Variants in OR52A5 observed in about 807,000 individuals in gnomAD.
OR52A5 encodes the protein olfactory receptor family 52 subfamily A member 5.
A neutral mutation model predicts 18.2 loss-of-function variants in OR52A5; 16 were observed. That is an observed-to-expected ratio of 0.88 (90% CI 0.60 to 1.34). The LOEUF is 1.34. Ranked by LOEUF, OR52A5 falls within the 40% of genes most tolerant of loss-of-function variation. OR52A5 has a pLI of 0.00. For missense variants in OR52A5, 418 were observed against 383.0 expected (o/e 1.09, Z -0.76); for synonymous variants, 140 against 137.2 (o/e 1.02, Z -0.14).
In OR52A5 at chr11:5,132,249, AG is replaced by A; in HGVS notation, c.393del (p.Leu132Ter). 6.2e-7 allele frequency: 1 copy of A among 1,614,124 alleles called. No homozygotes were observed. The highest frequency in any genetic ancestry group is 1.3e-5 in the African/African-American group (1 of 75,066). ...ALDRYVAICI[P>X]LRHATIFSQQ... ...TGGGAAAAGATGGTGGCATGTCTCA[AG>A]GGGATACAGATGGCCACATAGCGAT... On this transcript the variant is annotated frameshift_variant, in exon 2 of 2. Transcript: ENST00000307388. LOFTEE classifies it high-confidence loss of function.
chr11:5,135,941 T>C (rs1846389180), intron 1 of OR52A5, among the ~76,000 whole-genome samples: 1 of 152,186 alleles, frequency 6.6e-6, no homozygotes, highest in Admixed American at 6.5e-5. Context: ...TATCTTCAAA[T>C]ATCTTACAGA....
chr11:5,135,017 G>A (rs1276283735), intron 1 of OR52A5, among the ~76,000 whole-genome samples: 1 of 152,006 alleles, frequency 6.6e-6, no homozygotes, highest in Non-Finnish European at 1.5e-5. Flanking sequence ...TGGGACTACA[G>A]GCACCCGTCA....
In OR52A5 at chr11:5,132,036, G is replaced by T. The variant is rs140120221; in HGVS notation, c.607C>A (p.Leu203Ile). 6.3e-5 allele frequency: 102 copies of T among 1,614,044 alleles called. No individual in the cohort carries two copies. Among genetic ancestry groups the T allele is most frequent in the Non-Finnish European group, 8.3e-5 (98 of 1,180,014 alleles). ...EDIRVNKIYG[L>I]FVAFAILGFD... The stretch of plus-strand genomic sequence containing the variant: ...CCTAGGATTGCAAAGGCAACAAATA[G>T]GCCATATATCTTGTTGACTCGGATA... The change falls in exon 2 of 2, where the codon CTA becomes ATA. Residue 203 changes from leucine to isoleucine, a missense_variant. Leu to Ile is a conservative substitution (Grantham distance 5). Coordinates refer to ENST00000307388, the MANE Select transcript of OR52A5 (RefSeq NM_001005160.3).
At chr11:5,135,988 T>A (rs1444975690) in intron 1 of OR52A5, among the ~76,000 whole-genome samples, 1 of 152,160 alleles carries the variant, frequency 6.6e-6, no homozygotes, top group Non-Finnish European at 1.5e-5. Flanking sequence ...TGGGCAATAA[T>A]CTCCAATTTG....
Position 5,132,600 on chromosome 11 carries a change from T to C in OR52A5, c.43A>G (p.Ile15Val). 6.2e-7 allele frequency: 1 copy of C among 1,613,160 alleles called. No individual in the cohort carries two copies. The highest frequency in any genetic ancestry group is 8.5e-7 in the Non-Finnish European group (1 of 1,179,576). The change falls in exon 2 of 2, where the codon ATA becomes GTA. Residue 15 changes from isoleucine to valine, a missense_variant. By Grantham distance (29) the Ile-to-Val change is conservative. Transcript: ENST00000307388. ...NGSVFMPSAF[I>V]LIGIPGLESV... ...TCCAGACCAGGAATCCCAATTAGTA[T>C]AAACGCAGAGGGCATGAAGACTGAG...
intron 1 of OR52A5, chr11:5,138,108 C>T (rs1846408088): frequency 6.6e-6 from 1 of 152,228 alleles, no homozygotes; most frequent in Non-Finnish European, 1.5e-5. Context: ...TGTCACCCAG[C>T]ATTTCATCGA....
intron 1 of OR52A5, among the ~76,000 whole-genome samples, chr11:5,137,468 A>G (rs1471850421): frequency 6.6e-6 from 1 of 151,338 alleles, no homozygotes; most frequent in Non-Finnish European, 1.5e-5. Context: ...TTACCATTTG[A>G]TCTCTGCCTG....
rs1846350496 is a variant in OR52A5 at position 5,132,476 on chromosome 11, CTGT to C, written c.164_166del (p.Asn55del). 6.2e-7 allele frequency: 1 copy of C among 1,614,114 alleles called. No individual in the cohort carries two copies. The highest frequency in any genetic ancestry group is 8.5e-7 in the Non-Finnish European group (1 of 1,180,016). ...AAAAATGTACATGGGTATATGGAGG[CTGT>C]TTTCATATTTGATTATAACTAAAAT... On this transcript the variant is annotated inframe_deletion, in exon 2 of 2. Transcript: ENST00000307388.
chr11:5,132,343 AAGAC>A lies in OR52A5; in HGVS notation c.296_299del (p.Cys99PhefsTer33), dbSNP rs769632925. 1 of 1,614,208 alleles carries A rather than the reference AAGAC, an allele frequency of 6.2e-7. No individual in the cohort carries two copies. The highest frequency in any genetic ancestry group is 1.1e-5 in the South Asian group (1 of 91,084). On this transcript the variant is annotated frameshift_variant, in exon 2 of 2. Transcript: ENST00000307388. LOFTEE classifies it high-confidence loss of function. ...ATGAGTGAATAAGCCACATTTGAAAAAGACAGGCATCAAAAGAAATCTCTGGCAA... is the reference window on the plus strand; with the variant it reads ...ATGAGTGAATAAGCCACATTTGAAAAAGGCATCAAAAGAAATCTCTGGCAA...
In OR52A5 at chr11:5,130,806, T is replaced by C. The variant is rs1846329962; in HGVS notation, c.*886A>G. The C allele has an allele frequency of 6.6e-6, 1 of 152,114 alleles. No homozygotes were observed. Among genetic ancestry groups the C allele is most frequent in the East Asian group, 1.9e-4 (1 of 5,192 alleles). The allele number at this position is 152,114 out of a possible 1,614,324, so 9.4% of individuals were successfully genotyped here. On this transcript the variant is annotated 3_prime_UTR_variant, in exon 2 of 2. Transcript: ENST00000307388. ...TCAGATGACTCTGTCAACTTGATTC[T>C]TAAGGAAAAAAAAATTTGTTTGGTT...
At chr11:5,134,855 C>A (rs533410018) in intron 1 of OR52A5, among the ~76,000 whole-genome samples, 4 of 152,058 alleles carry the variant, frequency 2.6e-5, no homozygotes, top group Non-Finnish European at 5.9e-5. Flanking sequence ...ATGCAAATTT[C>A]TGTCCTCTGA....
intron 1 of OR52A5, among the ~76,000 whole-genome samples, chr11:5,135,994 A>G (rs1356521987): frequency 6.6e-6 from 1 of 152,118 alleles, no homozygotes. Flanking sequence ...ATAATCTCCA[A>G]TTTGGCTCAA....
chr11:5,135,348 G>A (rs150271476), intron 1 of OR52A5, among the ~76,000 whole-genome samples: 158 of 152,216 alleles, frequency 1.0e-3, no homozygotes, highest in African/African-American at 3.5e-3. Flanking sequence ...GGTATAGGAC[G>A]CACAGTACAG....
At chr11:5,136,742 T>C (rs942642801) in intron 1 of OR52A5, among the ~76,000 whole-genome samples, 1 of 152,194 alleles carries the variant, frequency 6.6e-6, no homozygotes, top group African/African-American at 2.4e-5. Flanking sequence ...ATAGTTTGTA[T>C]AAAATCACAG....
At position 5,130,214 on chromosome 11, in the gene OR52A5, T is replaced by G. The variant is rs1025697120; in HGVS notation, c.*1478A>C. ...TTCATTTATATAATTTGGTGCATTT[T>G]TATACCAGATACTTTGAAATACAGT... On this transcript the variant is annotated 3_prime_UTR_variant, in exon 2 of 2. Transcript: ENST00000307388. 6.6e-6 allele frequency: 1 copy of G among 152,132 alleles called. No homozygotes were observed. The highest frequency in any genetic ancestry group is 1.5e-5 in the Non-Finnish European group (1 of 68,008). The allele number at this position is 152,132 out of a possible 1,614,324, so 9.4% of individuals were successfully genotyped here.
At position 5,130,417 on chromosome 11, in the gene OR52A5, A is replaced by G. The variant is rs1051523479; in HGVS notation, c.*1275T>C. On this transcript the variant is annotated 3_prime_UTR_variant, in exon 2 of 2. Transcript: ENST00000307388. ...CTTTTGGGAGAATGACTCCTCATTA[A>G]TTATTCATTCTGCGTTATTAATGGC... 6.6e-6 allele frequency: 1 copy of G among 151,956 alleles called. No homozygotes were observed. The highest frequency in any genetic ancestry group is 2.4e-5 in the African/African-American group (1 of 41,410). The allele number at this position is 151,956 out of a possible 1,614,324, so 9.4% of individuals were successfully genotyped here.
At chr11:5,133,863 C>T (rs1011952498) in intron 1 of OR52A5, among the ~76,000 whole-genome samples, 31 of 152,134 alleles carry the variant, frequency 2.0e-4, no homozygotes, top group African/African-American at 7.5e-4. Flanking sequence ...TAATTTTTTT[C>T]TTTACATAAA....
chr11:5,133,445 G>A (rs1457415760), intron 1 of OR52A5, among the ~76,000 whole-genome samples: 2 of 146,852 alleles, frequency 1.4e-5, no homozygotes, highest in African/African-American at 5.0e-5. Context: ...AAGTTTGACT[G>A]AAATGTTCTT....
At position 5,132,037 on chromosome 11, in the gene OR52A5, G is replaced by T. The variant is rs930313721; in HGVS notation, c.606C>A (p.Gly202=). ...TEDIRVNKIY[G]LFVAFAILGF... ...CTAGGATTGCAAAGGCAACAAATAG[G>T]CCATATATCTTGTTGACTCGGATAT... Residue 202 remains glycine (G), a synonymous_variant, in exon 2 of 2, where the codon GGC becomes GGA. Coordinates refer to ENST00000307388, the MANE Select transcript of OR52A5 (RefSeq NM_001005160.3). 1.2e-6 allele frequency: 2 copies of T among 1,614,000 alleles called. No homozygotes were observed. The highest frequency in any genetic ancestry group is 1.7e-6 in the Non-Finnish European group (2 of 1,179,984).
Sources: gnomAD v4.1 joint callset for allele counts (sites outside exome capture counted in the v4.1 genomes callset) on GRCh38, gnomAD v4.1.1 for gene constraint, MANE v1.5 for transcripts, NCBI Gene and HGNC (gene_info 2026-07-23, HGNC 2026-07-21) for gene names.